Variants in COL25A1 observed in about 807,000 individuals in gnomAD.
The protein encoded by COL25A1 is collagen alpha-1(XXV) chain.
A neutral mutation model predicts 128.4 loss-of-function variants in COL25A1; 103 were observed. The observed-to-expected ratio is 0.80, with a 90% CI of 0.68 to 0.94. The LOEUF is 0.94. COL25A1 is among the 40% of genes least tolerant of loss of function. The pLI is 0.00. For synonymous variants in COL25A1, 279 were observed against 277.2 expected (o/e 1.01, Z -0.06); for missense variants, 745 against 840.0 (o/e 0.89, Z 1.40).
intron 18 of COL25A1, among the ~76,000 whole-genome samples, chr4:108,886,492 G>GTTTTT (rs535762905): frequency 9.2e-6 from 1 of 109,272 alleles, no homozygotes; most frequent in African/African-American, 4.0e-5. Flanking sequence ...GTGTGTGTGT[G>GTTTTT]TTTAGCTCAT....
chr4:108,983,131 T>C (rs1418388388), intron 6 of COL25A1, among the ~76,000 whole-genome samples: 1 of 152,246 alleles, frequency 6.6e-6, no homozygotes, highest in Non-Finnish European at 1.5e-5. Context: ...CTACCTAGCA[T>C]CATTCCTTGC....
At chr4:108,909,479 TA>T (rs1465792680) in intron 13 of COL25A1, among the ~76,000 whole-genome samples, 8 of 152,198 alleles carry the variant, frequency 5.3e-5, no homozygotes, top group Non-Finnish European at 1.2e-4. Context: ...TACACATGTC[TA>T]AAAATGATAA....
At chr4:109,233,369 T>C (rs768310792) in intron 3 of COL25A1, among the ~76,000 whole-genome samples, 9 of 152,182 alleles carry the variant, frequency 5.9e-5, no homozygotes, top group Non-Finnish European at 8.8e-5. Flanking sequence ...CTTTCCATAG[T>C]AGTCTGACTG....
At chr4:108,999,014 A>G (rs1755068346) in intron 6 of COL25A1, among the ~76,000 whole-genome samples, 1 of 152,230 alleles carries the variant, frequency 6.6e-6, no homozygotes, top group African/African-American at 2.4e-5. Context: ...TAAAAATGCT[A>G]GAAGAAAACC....
intron 8 of COL25A1, among the ~76,000 whole-genome samples, chr4:108,950,959 T>C (rs966036627): frequency 7.9e-5 from 12 of 152,158 alleles, no homozygotes; most frequent in African/African-American, 7.2e-5. Flanking sequence ...AAGACTCCCA[T>C]AAAGGTAGAA....
rs559499665 is a variant in COL25A1 at position 109,277,305 on chromosome 4, T to C, written c.367+23278A>G. Among the ~76,000 whole-genome samples, 3 of 152,180 alleles carry C rather than the reference T, an allele frequency of 2.0e-5. No individual in the cohort carries two copies. The South Asian group carries it at 6.2e-4, about 32-fold the overall frequency. On this transcript the variant is annotated intron_variant, in intron 3 of 37. Transcript: ENST00000399132. ...ATTTAACCAAACAGAGAGAAACTTG[T>C]GTATAAAGTCCATTATTATCCATAT...
chr4:109,026,052 A>G (rs1758236405), intron 5 of COL25A1, among the ~76,000 whole-genome samples: 1 of 151,474 alleles, frequency 6.6e-6, no homozygotes, highest in African/African-American at 2.4e-5. Context: ...GGAACTGGAT[A>G]AAAGCTATAG....
intron 3 of COL25A1, among the ~76,000 whole-genome samples, chr4:109,151,647 A>G (rs1056969816): frequency 1.3e-5 from 2 of 152,160 alleles, no homozygotes; most frequent in Admixed American, 1.3e-4. Flanking sequence ...AGAAATATTG[A>G]AAGTAAAATT....
chr4:108,861,379 G>C (rs1737198682), intron 22 of COL25A1, among the ~76,000 whole-genome samples: 1 of 152,202 alleles, frequency 6.6e-6, no homozygotes, highest in Non-Finnish European at 1.5e-5. Flanking sequence ...GAGAAGAAAA[G>C]TGTAGATAGT....
chr4:109,269,606 C>T (rs1253354991), intron 3 of COL25A1, among the ~76,000 whole-genome samples: 1 of 150,572 alleles, frequency 6.6e-6, no homozygotes, highest in Non-Finnish European at 1.5e-5. Flanking sequence ...TGTTTCCTGA[C>T]TTTTTAATGA....
At chr4:108,857,157 C>T (rs1461390413) in intron 24 of COL25A1, among the ~76,000 whole-genome samples, 1 of 151,960 alleles carries the variant, frequency 6.6e-6, no homozygotes, top group Non-Finnish European at 1.5e-5. Flanking sequence ...AAGTAGATAC[C>T]TCTTAAAGGT....
intron 3 of COL25A1, among the ~76,000 whole-genome samples, chr4:109,288,984 C>T (rs1724180529): frequency 6.6e-6 from 1 of 151,448 alleles, no homozygotes; most frequent in Non-Finnish European, 1.5e-5. Context: ...CACACACACA[C>T]ACACACACAC....
chr4:108,852,377 C>G, intron 25 of COL25A1, 97 bp from the exon 26 acceptor site: 1 of 881,780 alleles, frequency 1.1e-6, no homozygotes, highest in East Asian at 3.0e-5. Flanking sequence ...TTATTTCTAT[C>G]GTAATCAGAT....
At chr4:109,278,485 T>G (rs1156469665) in intron 3 of COL25A1, among the ~76,000 whole-genome samples, 1 of 152,218 alleles carries the variant, frequency 6.6e-6, no homozygotes, top group Non-Finnish European at 1.5e-5. Context: ...AAAGTTACAT[T>G]TGTAGAGCTG....
chr4:109,260,327 T>G (rs796247766), intron 3 of COL25A1, among the ~76,000 whole-genome samples: 1 of 152,132 alleles, frequency 6.6e-6, no homozygotes, highest in Admixed American at 6.5e-5. Flanking sequence ...AAATTTTTTT[T>G]AAAAATTGGG....
At chr4:109,092,872 A>G (rs978861510) in intron 3 of COL25A1, among the ~76,000 whole-genome samples, 1 of 152,152 alleles carries the variant, frequency 6.6e-6, no homozygotes, top group African/African-American at 2.4e-5. Context: ...AACTCACTCA[A>G]TCTGTGTGAA....
intron 3 of COL25A1, among the ~76,000 whole-genome samples, chr4:109,084,096 C>G (rs1308928329): frequency 6.6e-6 from 1 of 152,218 alleles, no homozygotes; most frequent in African/African-American, 2.4e-5. Context: ...TGAAGCAGAA[C>G]TTAGAGCTTC....
intron 5 of COL25A1, among the ~76,000 whole-genome samples, chr4:109,038,096 G>A (rs1759528504): frequency 1.3e-5 from 2 of 152,200 alleles, no homozygotes; most frequent in South Asian, 4.1e-4. Context: ...TTGAAGAGGT[G>A]TCTGTTTACA....
chr4:109,218,356 G>GTTTTTTTTGTTTTTTTTT (rs796441649), intron 3 of COL25A1, among the ~76,000 whole-genome samples: 1 of 100,470 alleles, frequency 1.0e-5, no homozygotes, highest in African/African-American at 4.1e-5. Context: ...GGTTTTTTGG[G>GTTTTTTTTGTTTTTTTTT]GTTTTTTTTT....
Sources: allele counts gnomAD v4.1 joint callset (sites outside exome capture counted in the v4.1 genomes callset), GRCh38; gene constraint gnomAD v4.1.1; transcripts MANE v1.5; gene names NCBI Gene and HGNC (gene_info 2026-07-23, HGNC 2026-07-21).